Variants in PSTPIP2 observed in about 807,000 individuals in gnomAD.
PSTPIP2 encodes proline-serine-threonine phosphatase-interacting protein 2.
In PSTPIP2, 33 loss-of-function variants were observed where a neutral mutation model predicts 63.3. The observed-to-expected ratio is 0.52, with a 90% confidence interval of 0.40 to 0.70. The LOEUF is 0.70. PSTPIP2 is among the 30% of genes least tolerant of loss of function. PSTPIP2 has a pLI of 0.00. For missense variants in PSTPIP2, 312 were observed against 400.7 expected (o/e 0.78, Z 1.89); for synonymous variants, 125 against 132.7 (o/e 0.94, Z 0.40).
rs670428 is a variant in PSTPIP2 at position 46,016,164 on chromosome 18, C to A, written c.213-227G>T. 2.7e-5 allele frequency: 14 copies of A among 521,522 alleles called. 1 individual carries two copies. The South Asian group carries it at 3.8e-4, about 14-fold the overall frequency. 32.3% of individuals were successfully genotyped at this position (521,522 alleles called of 1,614,324 possible). ...CTGTTCATTTGGGGAGAGCAACATG[C>A]CAAAACTCTTTGTGTTTCATTTTCT... On this transcript the variant is annotated intron_variant, in intron 3 of 14. Transcript: ENST00000409746.
chr18:46,055,732 C>T (rs1908733953), intron 1 of PSTPIP2, among the ~76,000 whole-genome samples: 1 of 152,224 alleles, frequency 6.6e-6, no homozygotes, highest in East Asian at 1.9e-4. Context: ...CACCTTCCCC[C>T]AGTGAAAGAT....
intron 1 of PSTPIP2, among the ~76,000 whole-genome samples, chr18:46,042,045 C>G (rs1304705863): frequency 1.3e-5 from 2 of 152,168 alleles, no homozygotes; most frequent in Non-Finnish European, 2.9e-5. Flanking sequence ...CAGCAGGACC[C>G]AGGCCTGGGG....
At chr18:46,051,257 C>T (rs1408318914) in intron 1 of PSTPIP2, among the ~76,000 whole-genome samples, 3 of 152,250 alleles carry the variant, frequency 2.0e-5, no homozygotes, top group Admixed American at 6.5e-5. Context: ...AGGAGGATCA[C>T]TTGAGGACAG....
rs545936463 is a variant in PSTPIP2 at position 46,022,678 on chromosome 18, C to T, written c.212+1931G>A. On this transcript the variant is annotated intron_variant, in intron 3 of 14. Transcript: ENST00000409746. ...TGAAACCCTTCTAAGTGTGAGTTGCCACAGGACACCAGGGAAACCAGCCTT... is the reference window on the plus strand; with the variant it reads ...TGAAACCCTTCTAAGTGTGAGTTGCTACAGGACACCAGGGAAACCAGCCTT... Among the ~76,000 whole-genome samples the T allele has an allele frequency of 2.6e-5, 4 of 152,242 alleles. No individual in the cohort carries two copies. The East Asian group carries it at 7.7e-4, about 29-fold the overall frequency.
At chr18:46,051,388 T>C (rs1908576196) in intron 1 of PSTPIP2, among the ~76,000 whole-genome samples, 1 of 151,788 alleles carries the variant, frequency 6.6e-6, no homozygotes, top group African/African-American at 2.4e-5. Flanking sequence ...GGTGGGAGAA[T>C]CACTTGAGCC....
intron 2 of PSTPIP2, among the ~76,000 whole-genome samples, chr18:46,037,724 A>C (rs1310981523): frequency 1.3e-5 from 2 of 152,178 alleles, no homozygotes; most frequent in Non-Finnish European, 2.9e-5. Flanking sequence ...AGAGGCCCAA[A>C]GCCAAGCAGG....
chr18:46,047,716 A>G (rs1225993335), intron 1 of PSTPIP2, among the ~76,000 whole-genome samples: 3 of 152,216 alleles, frequency 2.0e-5, no homozygotes, highest in Non-Finnish European at 4.4e-5. Context: ...ATCAAATTAT[A>G]TACTTAAAAC....
intron 1 of PSTPIP2, among the ~76,000 whole-genome samples, chr18:46,064,317 G>T (rs1909099469): frequency 1.1e-5 from 1 of 87,408 alleles, no homozygotes. Context: ...TTGAGACAGA[G>T]TCTCATTCTG....
chr18:45,993,499 C>G, intron 10 of PSTPIP2, 106 bp downstream of exon 10: 1 of 1,055,266 alleles, frequency 9.5e-7, no homozygotes, highest in South Asian at 1.4e-5. Flanking sequence ...AGGCAAGTCA[C>G]CTTACTTCAC....
At chr18:46,054,266 T>C (rs1405015733) in intron 1 of PSTPIP2, among the ~76,000 whole-genome samples, 1 of 152,228 alleles carries the variant, frequency 6.6e-6, no homozygotes, top group African/African-American at 2.4e-5. Flanking sequence ...AACGTCATTA[T>C]GTGGCCCATG....
chr18:46,022,281 A>ATG lies in PSTPIP2; in HGVS notation c.212+2326_212+2327dup, dbSNP rs150331548. On this transcript the variant is annotated intron_variant, in intron 3 of 14. Transcript: ENST00000409746. ...TGTAGTCTAGGATGAGTGTGTGTGT[A>ATG]TGTGTGTGTGTGTGTGTTGCATGTG... Among the ~76,000 whole-genome samples the ATG allele has an allele frequency of 4.7e-3, 698 of 150,068 alleles. 4 individuals are homozygous for ATG. Among genetic ancestry groups the ATG allele is most frequent in the African/African-American group, 0.014 (573 of 41,064 alleles).
At chr18:45,989,259 G>T (rs189119559) in intron 13 of PSTPIP2, among the ~76,000 whole-genome samples, 1 of 152,016 alleles carries the variant, frequency 6.6e-6, no homozygotes, top group East Asian at 1.9e-4. Flanking sequence ...AATTTCCACC[G>T]TTGTGGGAAG....
chr18:46,001,118 G>C (rs958930376), intron 6 of PSTPIP2, among the ~76,000 whole-genome samples: 9 of 152,300 alleles, frequency 5.9e-5, no homozygotes, highest in African/African-American at 2.2e-4. Context: ...CTGGTAGTGG[G>C]ACTGTTAGAT....
At chr18:45,990,088 T>C (rs957610252) in intron 13 of PSTPIP2, 3 of 152,264 alleles carry the variant, frequency 2.0e-5, no homozygotes, top group African/African-American at 7.2e-5. Flanking sequence ...ATCGATGCCT[T>C]CTATAAATTG....
At chr18:45,987,237 GACAA>G (rs753345894) in intron 14 of PSTPIP2, among the ~76,000 whole-genome samples, 1 of 152,190 alleles carries the variant, frequency 6.6e-6, no homozygotes, top group South Asian at 2.1e-4. Context: ...GAGGACTGGA[GACAA>G]ACAATGTTTG....
Position 45,988,711 on chromosome 18 carries a change from T to A in PSTPIP2, c.1004A>T (p.Ter335LeuextTer3), listed in dbSNP as rs1344213806. Residue 335 changes from the stop codon to leucine, a stop_lost, in exon 14 of 15, where the codon TAA becomes TTA. Coordinates refer to ENST00000409746, the MANE Select transcript of PSTPIP2 (RefSeq NM_024430.4). The stretch of plus-strand genomic sequence containing the variant: ...AAATAAAGGTTCTTACCATTGATTT[T>A]ACTGATAGAGCAAACTGTAGTCATC... ...LVDDYSLLYQ[*>L] 2.6e-6 allele frequency: 4 copies of A among 1,551,126 alleles called. No homozygotes were observed.
chr18:46,072,041 G>C, intron 1 of PSTPIP2, 115 bp downstream of exon 1: 1 of 1,313,478 alleles, frequency 7.6e-7, no homozygotes, highest in Non-Finnish European at 1.0e-6. Context: ...CAAGCCCCCG[G>C]GCGCGCGGTC....
chr18:46,048,547 A>C (rs1233412198), intron 1 of PSTPIP2, among the ~76,000 whole-genome samples: 1 of 152,208 alleles, frequency 6.6e-6, no homozygotes, highest in Non-Finnish European at 1.5e-5. Context: ...TGTTACTGAG[A>C]TTGACACAGC....
intron 4 of PSTPIP2, among the ~76,000 whole-genome samples, chr18:46,014,593 G>A (rs2051834306): frequency 1.3e-5 from 2 of 152,026 alleles, no homozygotes; most frequent in African/African-American, 2.4e-5. Context: ...CATGCCTGTG[G>A]GCCCAGCTAC....
Sources: allele counts gnomAD v4.1 joint callset (sites outside exome capture counted in the v4.1 genomes callset), GRCh38; gene constraint gnomAD v4.1.1; transcripts MANE v1.5; gene names NCBI Gene and HGNC (gene_info 2026-07-23, HGNC 2026-07-21).